The following TPH2 variants were observed in gnomAD, a reference collection of about 807,000 sequenced individuals.
TPH2 encodes the protein tryptophan 5-hydroxylase 2.
TPH2 carries 27 observed loss-of-function variants against 59.1 expected under a neutral mutation model. That is an observed-to-expected ratio of 0.46 (90% CI 0.34 to 0.63). TPH2 has a LOEUF of 0.63. Ranked by LOEUF, TPH2 falls within the 30% of genes least tolerant of loss-of-function variation. The pLI is 0.01. For synonymous variants in TPH2, 220 were observed against 210.5 expected, an observed-to-expected ratio of 1.05 and a Z score of -0.39; for missense variants, 523 against 588.3, an observed-to-expected ratio of 0.89 and a Z score of 1.15.
chr12:72,025,993 G>T (rs1873558010), intron 9 of TPH2, among the ~76,000 whole-genome samples: 1 of 152,190 alleles, frequency 6.6e-6, no homozygotes, highest in Non-Finnish European at 1.5e-5. Context: ...AGAAAGTGAT[G>T]ATACAGATCT....
chr12:71,943,804 G>A (rs913628101), intron 2 of TPH2, among the ~76,000 whole-genome samples: 1 of 151,308 alleles, frequency 6.6e-6, no homozygotes, highest in Non-Finnish European at 1.5e-5. Context: ...CTTGCCTTTT[G>A]TACTGTCTAC....
chr12:71,961,878 A>T (rs1209026995), intron 5 of TPH2: 1 of 1,114,160 alleles, frequency 9.0e-7, no homozygotes, highest in Non-Finnish European at 1.1e-6. Context: ...GTTTATTTTC[A>T]TTACGTCTCT....
Position 71,999,400 on chromosome 12 carries a change from A to G in TPH2, c.1068+4835A>G, listed in dbSNP as rs188920661. On this transcript the variant is annotated intron_variant, in intron 8 of 10. Coordinates refer to ENST00000333850, the MANE Select transcript of TPH2 (RefSeq NM_173353.4). ...TAAATAATTTGCCCTCTGGTGGATA[A>G]TAAATAAGACCACTGGTTGTGGCAG... Among the ~76,000 whole-genome samples, 31 of 152,336 alleles carry G rather than the reference A, an allele frequency of 2.0e-4. No homozygotes were observed. The East Asian group carries it at 5.6e-3, about 27-fold the overall frequency.
At chr12:71,961,403 C>T in intron 5 of TPH2, 2 of 566,252 alleles carry the variant, frequency 3.5e-6, no homozygotes, top group South Asian at 2.0e-5. Context: ...TGCACAAGAC[C>T]ATGAGCTGTA....
chr12:71,962,558 C>A, intron 5 of TPH2: 2 of 985,236 alleles, frequency 2.0e-6, no homozygotes, highest in South Asian at 4.7e-5. Context: ...TTGTTACAAT[C>A]CTGAATCTTT....
At chr12:71,990,422 C>T (rs919758343) in intron 7 of TPH2, among the ~76,000 whole-genome samples, 1 of 152,206 alleles carries the variant, frequency 6.6e-6, no homozygotes, top group Non-Finnish European at 1.5e-5. Context: ...TTGCAGTTTG[C>T]ATTCTCCCTC....
chr12:71,985,781 G>A (rs900837742), intron 7 of TPH2, among the ~76,000 whole-genome samples: 2 of 152,098 alleles, frequency 1.3e-5, no homozygotes, highest in Non-Finnish European at 2.9e-5. Flanking sequence ...ATATAGTTTA[G>A]TGCTGTGCTG....
At chr12:71,999,719 G>A (rs1351267479) in intron 8 of TPH2, among the ~76,000 whole-genome samples, 1 of 152,288 alleles carries the variant, frequency 6.6e-6, no homozygotes, top group South Asian at 2.1e-4. Context: ...ATGCTAAAGG[G>A]CTTCAAATTC....
chr12:71,951,136 C>G (rs1871333810), intron 5 of TPH2, among the ~76,000 whole-genome samples: 1 of 152,148 alleles, frequency 6.6e-6, no homozygotes, highest in Non-Finnish European at 1.5e-5. Flanking sequence ...AGCCCAACCT[C>G]AGGCCCCCTT....
In TPH2 at chr12:72,014,395, C is replaced by CTT. The variant is rs71437200; in HGVS notation, c.1069-7992_1069-7991dup. ...CCCAGAATTTTTTTTTTCTTTTTTT[C>CTT]TTTTTTTTTTTTTGAGAAGGAGTCC... On this transcript the variant is annotated intron_variant, in intron 8 of 10. Coordinates refer to ENST00000333850, the MANE Select transcript of TPH2 (RefSeq NM_173353.4). 2.9e-3 allele frequency among the ~76,000 whole-genome samples: 409 copies of CTT among 139,842 alleles called. 5 individuals are homozygous for CTT. The highest frequency in any genetic ancestry group is 7.7e-3 in the African/African-American group (287 of 37,286). 91.7% of individuals were successfully genotyped at this position (139,842 alleles called of 152,430 possible).
Position 72,030,942 on chromosome 12 carries a change from T to C in TPH2, c.1165-316T>C, listed in dbSNP as rs184851111. 2.2e-3 allele frequency among the ~76,000 whole-genome samples: 329 copies of C among 152,280 alleles called. 2 individuals are homozygous for C. Among genetic ancestry groups the C allele is most frequent in the African/African-American group, 7.4e-3 (307 of 41,556 alleles). ...TTCTATTCATAGCATAGATTTAAAA[T>C]CCCATTTCTGTGGGGGAATAGCTCT... On this transcript the variant is annotated intron_variant, in intron 9 of 10. Coordinates refer to ENST00000333850, the MANE Select transcript of TPH2 (RefSeq NM_173353.4).
chr12:71,952,053 T>C (rs1481480454), intron 5 of TPH2, among the ~76,000 whole-genome samples: 1 of 152,188 alleles, frequency 6.6e-6, no homozygotes, highest in Non-Finnish European at 1.5e-5. Flanking sequence ...GCTGATGTTG[T>C]GGTGATACAA....
At chr12:71,956,660 A>T (rs887951678) in intron 5 of TPH2, among the ~76,000 whole-genome samples, 3 of 150,774 alleles carry the variant, frequency 2.0e-5, no homozygotes, top group Non-Finnish European at 4.4e-5. Context: ...CCTGAGCTGG[A>T]GTGCAGTGGT....
intron 8 of TPH2, 78 bp downstream of exon 8, chr12:71,994,643 A>C: frequency 1.3e-6 from 2 of 1,555,286 alleles, no homozygotes; most frequent in Non-Finnish European, 1.8e-6. Context: ...ATTATTGACT[A>C]TGAGTTATAG....
intron 8 of TPH2, among the ~76,000 whole-genome samples, chr12:72,018,751 G>T (rs1224086955): frequency 6.6e-6 from 1 of 152,164 alleles, no homozygotes; most frequent in Non-Finnish European, 1.5e-5. Context: ...ACACTAAGAA[G>T]ATACTGTGAC....
intron 2 of TPH2, 99 bp from the exon 3 acceptor site, chr12:71,944,195 T>A: frequency 8.3e-7 from 1 of 1,204,620 alleles, no homozygotes; most frequent in Non-Finnish European, 1.2e-6. Flanking sequence ...TCCTCTTGTG[T>A]GGGTACTTGG....
intron 7 of TPH2, among the ~76,000 whole-genome samples, chr12:71,990,403 G>C (rs1445247025): frequency 6.6e-6 from 1 of 152,214 alleles, no homozygotes; most frequent in Non-Finnish European, 1.5e-5. Flanking sequence ...AGAGGTTAGA[G>C]AGAAGGCTTT....
At position 72,004,009 on chromosome 12, in the gene TPH2, T is replaced by C. The variant is rs116211122; in HGVS notation, c.1068+9444T>C. 4.6e-3 allele frequency among the ~76,000 whole-genome samples: 698 copies of C among 152,258 alleles called. 18 individuals carry two copies. Among genetic ancestry groups the C allele is most frequent in the African/African-American group, 0.015 (639 of 41,536 alleles). ...TCTGTTCATGTGCTGAGTTGAGTGC[T>C]GAACCCACCATGCTTTGCACACACT... is the stretch of plus-strand genomic sequence containing the variant. On this transcript the variant is annotated intron_variant, in intron 8 of 10. Coordinates refer to ENST00000333850, the MANE Select transcript of TPH2 (RefSeq NM_173353.4).
intron 8 of TPH2, among the ~76,000 whole-genome samples, chr12:72,015,390 G>T (rs1306598602): frequency 6.8e-6 from 1 of 146,648 alleles, no homozygotes; most frequent in Non-Finnish European, 1.5e-5. Context: ...TGCGATCTTG[G>T]TTCACTGCAA....
Sources: allele counts gnomAD v4.1 joint callset (sites outside exome capture counted in the v4.1 genomes callset), GRCh38; gene constraint gnomAD v4.1.1; transcripts MANE v1.5; gene names NCBI Gene and HGNC (gene_info 2026-07-23, HGNC 2026-07-21).